CD200R1L: variants seen among roughly 807,000 people sequenced by gnomAD.
CD200R1L encodes the protein CD200 receptor 1 like, also known as cell surface glycoprotein CD200 receptor 2.
Under a neutral mutation model 24.8 loss-of-function variants are expected in CD200R1L, and 14 were observed. The ratio of observed to expected loss-of-function variants is 0.56; its 90% CI spans 0.37 to 0.88. CD200R1L has a LOEUF of 0.88. CD200R1L is among the 40% of genes least tolerant of loss of function. CD200R1L has a pLI of 0.00. For synonymous variants in CD200R1L, 111 were observed against 109.2 expected (o/e 1.02, Z -0.11); for missense variants, 299 against 297.8 (o/e 1.00, Z -0.03).
intron 6 of CD200R1L, among the ~76,000 whole-genome samples, chr3:112,822,505 A>G (rs1023350132): frequency 6.6e-6 from 1 of 152,150 alleles, no homozygotes; most frequent in African/African-American, 2.4e-5. Flanking sequence ...TACATGACAG[A>G]GTCTGGAGAG....
In CD200R1L at chr3:112,845,885, A is replaced by AT. The variant is rs1415211336; in HGVS notation, c.-294dup. The stretch of plus-strand genomic sequence containing the variant: ...TTCTTCATTATCTTGCTTATCTTTA[A>AT]TTTTTGCTGTCATTCTATATGTTTT... On this transcript the variant is annotated 5_prime_UTR_variant, in exon 2 of 8. An upstream open reading frame in the 5' UTR gains an earlier in-frame stop. Coordinates refer to ENST00000488794, the MANE Select transcript of CD200R1L (RefSeq NM_001199215.3). 17 of 599,480 alleles carry AT rather than the reference A, an allele frequency of 2.8e-5. No individual in the cohort carries two copies. The highest frequency in any genetic ancestry group is 5.0e-5 in the Non-Finnish European group (17 of 339,184). 37.1% of individuals were successfully genotyped at this position (599,480 alleles called of 1,614,324 possible).
chr3:112,844,029 C>T (rs1939139917), intron 2 of CD200R1L, among the ~76,000 whole-genome samples: 1 of 152,186 alleles, frequency 6.6e-6, no homozygotes, highest in Non-Finnish European at 1.5e-5. Context: ...ACATGCCTGA[C>T]ATTGGAGCAC....
chr3:112,843,199 A>T (rs1187318645), intron 2 of CD200R1L, among the ~76,000 whole-genome samples: 5 of 152,194 alleles, frequency 3.3e-5, no homozygotes, highest in Non-Finnish European at 7.3e-5. Flanking sequence ...TCAACGTGCA[A>T]ATTTGAGAAA....
chr3:112,821,152 A>G (rs1315014977), intron 6 of CD200R1L, among the ~76,000 whole-genome samples: 7 of 152,176 alleles, frequency 4.6e-5, no homozygotes, highest in African/African-American at 1.4e-4. Flanking sequence ...CCTGGCTCCA[A>G]GAGGTCATTC....
chr3:112,838,257 A>G lies in CD200R1L; in HGVS notation c.-86-247T>C, dbSNP rs987788162. Among the ~76,000 whole-genome samples, 19 of 152,198 alleles carry G rather than the reference A, an allele frequency of 1.2e-4. 1 individual carries two copies. Among genetic ancestry groups the G allele is most frequent in the Non-Finnish European group, 2.1e-4 (14 of 68,018 alleles). ...GTAGTTATGAATAAATGATTCATTC[A>G]ATGTTATTATAACAGATCAGTCTGT... On this transcript the variant is annotated intron_variant, in intron 2 of 7. Coordinates refer to ENST00000488794, the MANE Select transcript of CD200R1L (RefSeq NM_001199215.3).
At position 112,827,103 on chromosome 3, in the gene CD200R1L, C is replaced by T; in HGVS notation, c.506G>A (p.Gly169Asp). ...LATKQEYWGNGTVTVKSTCPW... is the reference protein window; with the variant it reads ...LATKQEYWGNDTVTVKSTCPW... ...GCATGTACTCTTAACCGTCACTGTG[C>T]CATTGCCCCAGTATTCTTGCTTAGT... Residue 169 changes from glycine (G) to aspartate (D), a missense_variant, in exon 6 of 8, where the codon GGC (glycine) becomes GAC (aspartate). By Grantham distance (94) the Gly-to-Asp change is moderately conservative. Coordinates refer to ENST00000488794, the MANE Select transcript of CD200R1L (RefSeq NM_001199215.3). The T allele has an allele frequency of 6.2e-7, 1 of 1,613,458 alleles. No individual in the cohort carries two copies. Among genetic ancestry groups the T allele is most frequent in the South Asian group, 1.1e-5 (1 of 91,028 alleles).
chr3:112,839,793 C>A (rs1314839226), intron 2 of CD200R1L, among the ~76,000 whole-genome samples: 1 of 152,178 alleles, frequency 6.6e-6, no homozygotes, highest in Non-Finnish European at 1.5e-5. Context: ...AGCAGCCCTC[C>A]CACCCCTGTT....
chr3:112,816,581 A>G (rs564776896), intron 7 of CD200R1L, among the ~76,000 whole-genome samples: 10 of 152,190 alleles, frequency 6.6e-5, no homozygotes, highest in Non-Finnish European at 1.2e-4. Flanking sequence ...GGATATACTC[A>G]TCTGCCACAA....
At chr3:112,843,110 C>G (rs1301636439) in intron 2 of CD200R1L, among the ~76,000 whole-genome samples, 1 of 152,062 alleles carries the variant, frequency 6.6e-6, no homozygotes, top group Non-Finnish European at 1.5e-5. Flanking sequence ...TTGCCCTAGA[C>G]AGGAAGAGAG....
At chr3:112,816,151 T>C (rs1395819528) in intron 7 of CD200R1L, among the ~76,000 whole-genome samples, 176 bp from the exon 8 acceptor site, 1 of 152,242 alleles carries the variant, frequency 6.6e-6, no homozygotes, top group Non-Finnish European at 1.5e-5. Context: ...CCAGGAATGC[T>C]GTATAACAAA....
At chr3:112,816,441 C>G (rs1281283264) in intron 7 of CD200R1L, among the ~76,000 whole-genome samples, 1 of 152,202 alleles carries the variant, frequency 6.6e-6, no homozygotes, top group Non-Finnish European at 1.5e-5. Context: ...TACATTAACA[C>G]TTCCACCTCA....
At chr3:112,827,717 A>G (rs372163242) in intron 4 of CD200R1L, 33 bp from the exon 5 acceptor site, 2 of 1,571,680 alleles carry the variant, frequency 1.3e-6, no homozygotes, top group African/African-American at 1.4e-5. Context: ...ATGATATAGA[A>G]AACCTTGATA....
rs920477806 is a variant in CD200R1L, at chr3:112,846,780, C to T, written c.-514G>A. On this transcript the variant is annotated 5_prime_UTR_variant, in exon 1 of 8. Coordinates refer to ENST00000488794, the MANE Select transcript of CD200R1L (RefSeq NM_001199215.3). ...TGCACTTCTTAGCTTTTTATGGTGT[C>T]CTTATAAAAAGAGGAAAACTGGGCG... 1 of 151,780 alleles carries T rather than the reference C, an allele frequency of 6.6e-6. No homozygotes were observed. The highest frequency in any genetic ancestry group is 1.5e-5 in the Non-Finnish European group (1 of 67,962). 9.4% of individuals were successfully genotyped at this position (151,780 alleles called of 1,614,324 possible). A position where few individuals can be genotyped will look rare whatever the true frequency, so the allele number is the denominator to read the frequency against.
intron 6 of CD200R1L, among the ~76,000 whole-genome samples, chr3:112,822,591 G>A (rs1417105606): frequency 2.6e-5 from 4 of 152,142 alleles, no homozygotes; most frequent in Non-Finnish European, 5.9e-5. Context: ...GAGACATCAC[G>A]GAAGCTCCTT....
At chr3:112,839,792 C>A (rs899037401) in intron 2 of CD200R1L, among the ~76,000 whole-genome samples, 1 of 152,190 alleles carries the variant, frequency 6.6e-6, no homozygotes, top group African/African-American at 2.4e-5. Flanking sequence ...AAGCAGCCCT[C>A]CCACCCCTGT....
intron 2 of CD200R1L, among the ~76,000 whole-genome samples, chr3:112,839,077 A>T (rs1939024027): frequency 6.6e-6 from 1 of 152,164 alleles, no homozygotes; most frequent in Non-Finnish European, 1.5e-5. Flanking sequence ...ACACACGTAC[A>T]TACACACATA....
intron 7 of CD200R1L, among the ~76,000 whole-genome samples, chr3:112,817,448 G>C (rs1938424364): frequency 6.6e-6 from 1 of 152,158 alleles, no homozygotes; most frequent in South Asian, 2.1e-4. Context: ...AATGTGAGCA[G>C]AAGTGATTAC....
chr3:112,821,451 T>C (rs1326361082), intron 6 of CD200R1L, among the ~76,000 whole-genome samples: 1 of 152,236 alleles, frequency 6.6e-6, no homozygotes, highest in Non-Finnish European at 1.5e-5. Context: ...AAAACATAAA[T>C]TTCTCCACAG....
In CD200R1L at chr3:112,827,665, T is replaced by C; in HGVS notation, c.69A>G (p.Val23=). ...AAAGCACAGCATTTATATCCATCAG[T>C]ACAGGCTGTGAAATGTTACCTGGAC... The part of the protein sequence containing the change: ...IFAEGNISQP[V]LMDINAVLCC... The change falls in exon 5 of 8, where the codon GTA becomes GTG. Residue 23 remains valine, a synonymous_variant. Coordinates refer to ENST00000488794, the MANE Select transcript of CD200R1L (RefSeq NM_001199215.3). The C allele has an allele frequency of 1.2e-6, 2 of 1,613,316 alleles. No homozygotes were observed. The highest frequency in any genetic ancestry group is 1.7e-6 in the Non-Finnish European group (2 of 1,179,640).
Sources: allele counts gnomAD v4.1 joint callset (sites outside exome capture counted in the v4.1 genomes callset), GRCh38; gene constraint gnomAD v4.1.1; transcripts MANE v1.5; gene names NCBI Gene and HGNC (gene_info 2026-07-23, HGNC 2026-07-21).